Variants in PCDHGA4 observed in about 807,000 individuals in gnomAD.
The protein encoded by PCDHGA4 is protocadherin gamma subfamily A, 4, also known as protocadherin gamma-A4.
A neutral mutation model predicts 54.6 loss-of-function variants in PCDHGA4; 38 were observed. The ratio of observed to expected loss-of-function variants is 0.70; its 90% CI spans 0.54 to 0.91. The LOEUF (loss-of-function observed/expected upper bound fraction) is 0.91. PCDHGA4 is among the 40% of genes least tolerant of loss of function. The pLI, the probability that PCDHGA4 is intolerant of heterozygous loss-of-function variation, is 0.00. For missense variants in PCDHGA4, 1,298 were observed against 1,220.9 expected, an observed-to-expected ratio of 1.06 and a Z score of -0.94; for synonymous variants, 511 against 512.9, an observed-to-expected ratio of 1.00 and a Z score of 0.05.
At position 141,494,730 on chromosome 5, in the gene PCDHGA4, G is replaced by A. The variant is rs1595262506; in HGVS notation, c.2515-77G>A. 18 of 1,609,816 alleles carry A rather than the reference G, an allele frequency of 1.1e-5. No individual in the cohort carries two copies. In the East Asian group the frequency reaches 4.0e-4, roughly 36 times the overall value. On this transcript the variant is annotated intron_variant, in intron 1 of 3. Coordinates refer to ENST00000571252, the MANE Select transcript of PCDHGA4 (RefSeq NM_018917.4). ...GTGCCCACTCCCCTCCTTCTCTCCC[G>A]GCCCATCCCTAGGGGCTCGGGTGAC...
chr5:141,418,618 A>T, intron 1 of PCDHGA4: 5 of 1,614,046 alleles, frequency 3.1e-6, no homozygotes, highest in Non-Finnish European at 4.2e-6. Context: ...GCCTTCGGGA[A>T]GACGTGCCTC....
chr5:141,356,584 C>G lies in PCDHGA4; in HGVS notation c.1477C>G (p.Pro493Ala). ...TCATGCTTCCTACTCTGCTTACATT[C>G]CTGAAAACAACCCCAGAGGAGCCTC... ...FPHASYSAYIPENNPRGASIL... is the reference protein window; with the variant it reads ...FPHASYSAYIAENNPRGASIL... Residue 493 changes from proline to alanine, a missense_variant, in exon 1 of 4, where the codon CCT (proline) becomes GCT (alanine). Coordinates refer to ENST00000571252, the MANE Select transcript of PCDHGA4 (RefSeq NM_018917.4). 6.2e-7 allele frequency: 1 copy of G among 1,614,182 alleles called. No homozygotes were observed. The highest frequency in any genetic ancestry group is 8.5e-7 in the Non-Finnish European group (1 of 1,180,038).
chr5:141,393,744 G>A lies in PCDHGA4; in HGVS notation c.2514+36123G>A, dbSNP rs770821376. The A allele has an allele frequency of 2.0e-5, 32 of 1,613,750 alleles. No individual in the cohort carries two copies. The highest frequency in any genetic ancestry group is 2.7e-5 in the Non-Finnish European group (32 of 1,179,884). On this transcript the variant is annotated intron_variant, in intron 1 of 3. Coordinates refer to ENST00000571252, the MANE Select transcript of PCDHGA4 (RefSeq NM_018917.4). ...AATAGCAAAAAGTCTAGATTATGAAGAATGTTCATTTTATGAAATGGAAAT... is the reference window on the plus strand; with the variant it reads ...AATAGCAAAAAGTCTAGATTATGAAAAATGTTCATTTTATGAAATGGAAAT...
intron 1 of PCDHGA4, among the ~76,000 whole-genome samples, chr5:141,437,886 C>T (rs763669578): frequency 1.1e-4 from 17 of 152,140 alleles, no homozygotes; most frequent in Non-Finnish European, 1.5e-4. Context: ...TACAGGCACA[C>T]GCCACCACAC....
Position 141,431,033 on chromosome 5 carries a change from C to G in PCDHGA4, c.2515-63774C>G, listed in dbSNP as rs1006751011. ...CTTGGTCACGGCGGGCAGGATAGAC[C>G]GGGAGGAGCTCTGTATGGGGGCCAT... On this transcript the variant is annotated intron_variant, in intron 1 of 3. Coordinates refer to ENST00000571252, the MANE Select transcript of PCDHGA4 (RefSeq NM_018917.4). This position sits in a 1 kb window ranked among gnomAD's most constrained non-coding sequence, Gnocchi z 4.8. 1.2e-6 allele frequency: 2 copies of G among 1,613,980 alleles called. No individual in the cohort carries two copies. Among genetic ancestry groups the G allele is most frequent in the Admixed American group, 3.3e-5 (2 of 60,024 alleles).
intron 1 of PCDHGA4, among the ~76,000 whole-genome samples, chr5:141,484,569 AGACT>A (rs1376518478): frequency 1.3e-5 from 2 of 152,106 alleles, no homozygotes; most frequent in African/African-American, 2.4e-5. Context: ...CAATACAATC[AGACT>A]GAGACGGAAG....
chr5:141,501,439 C>G (rs1245306644), intron 2 of PCDHGA4, among the ~76,000 whole-genome samples: 1 of 151,978 alleles, frequency 6.6e-6, no homozygotes, highest in Non-Finnish European at 1.5e-5. Context: ...TCCATTTCTT[C>G]CATTTTTACT....
At chr5:141,460,231 G>A (rs911633731) in intron 1 of PCDHGA4, among the ~76,000 whole-genome samples, 3 of 152,028 alleles carry the variant, frequency 2.0e-5, no homozygotes, top group Non-Finnish European at 4.4e-5. Context: ...CTTTTGAAGA[G>A]CAGAAGATGT....
intron 1 of PCDHGA4, chr5:141,382,981 G>A (rs781148657): frequency 6.2e-7 from 1 of 1,612,324 alleles, no homozygotes; most frequent in Non-Finnish European, 8.5e-7. Flanking sequence ...GGAAGCCTGG[G>A]CAGGACGTAT....
intron 1 of PCDHGA4, chr5:141,393,962 CTG>C: frequency 6.2e-7 from 1 of 1,613,894 alleles, no homozygotes; most frequent in Non-Finnish European, 8.5e-7. Context: ...GTCAAGTTGT[CTG>C]TTACACACGT....
chr5:141,467,015 T>C (rs1423064392), intron 1 of PCDHGA4, among the ~76,000 whole-genome samples: 1 of 152,072 alleles, frequency 6.6e-6, no homozygotes. Flanking sequence ...GCAATTTTTT[T>C]CCCTTTGTTT....
Position 141,485,200 on chromosome 5 carries a change from A to C in PCDHGA4, c.2515-9607A>C. 1 of 1,614,116 alleles carries C rather than the reference A, an allele frequency of 6.2e-7. No homozygotes were observed. The highest frequency in any genetic ancestry group is 2.2e-5 in the East Asian group (1 of 44,872). ...TGCTCCGCAAGGTGAGAAGCTGGAC[A>C]GAAATCTGGCGGTGGGCTACCCTTT... On this transcript the variant is annotated intron_variant, in intron 1 of 3. Coordinates refer to ENST00000571252, the MANE Select transcript of PCDHGA4 (RefSeq NM_018917.4). This position sits in a 1 kb window ranked among gnomAD's most constrained non-coding sequence, Gnocchi z 5.7.
chr5:141,462,818 C>T (rs1280335120), intron 1 of PCDHGA4, among the ~76,000 whole-genome samples: 1 of 152,120 alleles, frequency 6.6e-6, no homozygotes, highest in East Asian at 1.9e-4. Flanking sequence ...TTTTATTGGA[C>T]AGCAGACATT....
In PCDHGA4 at chr5:141,435,253, G is replaced by A. The variant is rs2097754974; in HGVS notation, c.2515-59554G>A. Among the ~76,000 whole-genome samples the A allele has an allele frequency of 1.3e-5, 2 of 152,064 alleles. 1 individual carries two copies. The highest frequency in any genetic ancestry group is 3.9e-4 in the East Asian group (2 of 5,184). On this transcript the variant is annotated intron_variant, in intron 1 of 3. Transcript: ENST00000571252. ...TTCAGTAATTCTTTCTGGCCATTAG[G>A]GATATGTCCATTTATACTTTCTCAG...
chr5:141,500,901 G>T (rs984072329), intron 2 of PCDHGA4, among the ~76,000 whole-genome samples: 1 of 144,582 alleles, frequency 6.9e-6, no homozygotes, highest in Non-Finnish European at 1.5e-5. Context: ...AGACAGTCTC[G>T]CTCTGTCTCC....
chr5:141,502,661 T>G (rs1440361647), intron 2 of PCDHGA4, among the ~76,000 whole-genome samples: 1 of 152,240 alleles, frequency 6.6e-6, no homozygotes. Flanking sequence ...CAACCCTTCA[T>G]GCAATTTTAG....
chr5:141,445,224 G>A (rs1016307216), intron 1 of PCDHGA4, among the ~76,000 whole-genome samples: 6 of 152,194 alleles, frequency 3.9e-5, no homozygotes, highest in Admixed American at 2.0e-4. Context: ...GAGGTGCAAA[G>A]TGCTCTATTC....
chr5:141,459,757 G>A (rs1360124889), intron 1 of PCDHGA4, among the ~76,000 whole-genome samples: 3 of 152,162 alleles, frequency 2.0e-5, no homozygotes, highest in Admixed American at 2.0e-4. Context: ...ATTCTAGTGG[G>A]TGTGTGATAC....
intron 1 of PCDHGA4, chr5:141,411,753 A>G (rs1006054735): frequency 6.5e-5 from 10 of 152,756 alleles, no homozygotes; most frequent in African/African-American, 2.4e-4. Context: ...GTGGTGGCAC[A>G]TGCCTGTGGT....
Sources: allele counts gnomAD v4.1 joint callset (sites outside exome capture counted in the v4.1 genomes callset), GRCh38; gene constraint gnomAD v4.1.1; non-coding constraint Gnocchi (gnomAD v3.1); transcripts MANE v1.5; gene names NCBI Gene and HGNC (gene_info 2026-07-23, HGNC 2026-07-21).